The following CCBE1 variants were observed in gnomAD, a reference collection of about 807,000 sequenced individuals.
CCBE1 encodes the protein collagen and calcium-binding EGF domain-containing protein 1.
In CCBE1, 37 loss-of-function variants were observed where a neutral mutation model predicts 50.0. The observed-to-expected ratio is 0.74, with a 90% confidence interval of 0.57 to 0.97. The LOEUF (loss-of-function observed/expected upper bound fraction) is 0.97, where lower values mean the gene tolerates loss of function less well. CCBE1 is among the 50% of genes least tolerant of loss of function. CCBE1 has a pLI of 0.00. For synonymous variants in CCBE1, 234 were observed against 203.7 expected, an observed-to-expected ratio of 1.15 and a Z score of -1.27; for missense variants, 538 against 523.8, an observed-to-expected ratio of 1.03 and a Z score of -0.26.
chr18:59,680,555 G>A (rs1485074207), intron 2 of CCBE1, among the ~76,000 whole-genome samples: 2 of 151,734 alleles, frequency 1.3e-5, no homozygotes, highest in Non-Finnish European at 2.9e-5. Context: ...AAAATTAGCC[G>A]GGCGTGGTGG....
At chr18:59,628,780 C>G (rs1348410998) in intron 2 of CCBE1, among the ~76,000 whole-genome samples, 1 of 152,206 alleles carries the variant, frequency 6.6e-6, no homozygotes, top group Non-Finnish European at 1.5e-5. Context: ...CCATGCTGAA[C>G]TACTGAGCTC....
At chr18:59,442,618 C>T (rs1182370638) in intron 7 of CCBE1, among the ~76,000 whole-genome samples, 1 of 152,002 alleles carries the variant, frequency 6.6e-6, no homozygotes, top group East Asian at 1.9e-4. Context: ...ATCCTAGCTG[C>T]TTGGGAGACT....
intron 3 of CCBE1, among the ~76,000 whole-genome samples, chr18:59,478,142 C>A (rs952128576): frequency 2.0e-5 from 3 of 152,182 alleles, no homozygotes; most frequent in African/African-American, 7.2e-5. Context: ...ATTCCAACTG[C>A]AACTCCTCCC....
chr18:59,670,052 C>G (rs1484542373), intron 2 of CCBE1, among the ~76,000 whole-genome samples: 1 of 151,848 alleles, frequency 6.6e-6, no homozygotes, highest in Non-Finnish European at 1.5e-5. Context: ...TCATGGACCT[C>G]TGCTTCTTGC....
At chr18:59,585,870 A>G (rs1480988203) in intron 2 of CCBE1, among the ~76,000 whole-genome samples, 1 of 152,232 alleles carries the variant, frequency 6.6e-6, no homozygotes, top group African/African-American at 2.4e-5. Flanking sequence ...TAAGTTGCCT[A>G]CATGTATTTC....
At chr18:59,579,870 C>G (rs926294674) in intron 2 of CCBE1, among the ~76,000 whole-genome samples, 1 of 152,164 alleles carries the variant, frequency 6.6e-6, no homozygotes, top group Non-Finnish European at 1.5e-5. Context: ...TGAGCCACCA[C>G]CTTTACCCCT....
intron 6 of CCBE1, among the ~76,000 whole-genome samples, chr18:59,452,232 T>A (rs1910972306): frequency 6.6e-6 from 1 of 152,136 alleles, no homozygotes; most frequent in South Asian, 2.1e-4. Flanking sequence ...GGCTAATGTT[T>A]ATTTGGGCAG....
Position 59,616,652 on chromosome 18 carries a change from C to G in CCBE1, c.212+79977G>C, listed in dbSNP as rs140026178. Among the ~76,000 whole-genome samples, 367 of 152,270 alleles carry G rather than the reference C, an allele frequency of 2.4e-3. 1 individual carries two copies. The Middle Eastern group carries it at 0.037, about 16-fold the overall frequency. On this transcript the variant is annotated intron_variant, in intron 2 of 10. Transcript: ENST00000439986. The stretch of plus-strand genomic sequence containing the variant: ...CCCCAGTTGCCTTTATGCTTCTCCC[C>G]CTACAAGTCAAAAGTTCGGTACACA...
At chr18:59,478,704 C>A (rs2143766385) in intron 3 of CCBE1, among the ~76,000 whole-genome samples, 1 of 152,282 alleles carries the variant, frequency 6.6e-6, no homozygotes, top group East Asian at 1.9e-4. Flanking sequence ...TGGGCAAGGT[C>A]TTTAGATAAG....
At chr18:59,558,675 C>T (rs1244802544) in intron 2 of CCBE1, among the ~76,000 whole-genome samples, 2 of 152,156 alleles carry the variant, frequency 1.3e-5, no homozygotes, top group African/African-American at 2.4e-5. Flanking sequence ...GCCCAGAGAA[C>T]GAGAGAGCCA....
chr18:59,450,955 C>T (rs1225238164), intron 6 of CCBE1, among the ~76,000 whole-genome samples: 4 of 152,136 alleles, frequency 2.6e-5, no homozygotes, highest in African/African-American at 9.7e-5. Flanking sequence ...GATGCTAGAC[C>T]GAGCAGGTGC....
chr18:59,697,164 C>A (rs376343676), intron 1 of CCBE1, 48 bp downstream of exon 1: 1 of 1,546,178 alleles, frequency 6.5e-7, no homozygotes, highest in Middle Eastern at 2.3e-4. Flanking sequence ...GCGAGCCGGG[C>A]GCGCATCAAG....
intron 2 of CCBE1, among the ~76,000 whole-genome samples, chr18:59,488,530 G>C (rs548331719): frequency 6.6e-6 from 1 of 152,086 alleles, no homozygotes; most frequent in African/African-American, 2.4e-5. Context: ...ACAACCAGAA[G>C]GTACTCATTC....
chr18:59,470,572 C>T (rs1911984402), intron 3 of CCBE1, among the ~76,000 whole-genome samples: 1 of 152,062 alleles, frequency 6.6e-6, no homozygotes, highest in Admixed American at 6.6e-5. Flanking sequence ...GGTCTCTTTC[C>T]AGCTCTCAGC....
intron 2 of CCBE1, among the ~76,000 whole-genome samples, chr18:59,634,820 G>T (rs1457883872): frequency 6.6e-6 from 1 of 152,128 alleles, no homozygotes; most frequent in Non-Finnish European, 1.5e-5. Flanking sequence ...AGGTCAGATA[G>T]AGTCGACACA....
At chr18:59,501,689 A>C (rs979355976) in intron 2 of CCBE1, among the ~76,000 whole-genome samples, 1 of 152,146 alleles carries the variant, frequency 6.6e-6, no homozygotes, top group African/African-American at 2.4e-5. Flanking sequence ...AAAACTAAAG[A>C]TCTTTGGTTC....
chr18:59,582,295 A>G (rs1393226993), intron 2 of CCBE1, among the ~76,000 whole-genome samples: 3 of 152,170 alleles, frequency 2.0e-5, no homozygotes, highest in Non-Finnish European at 4.4e-5. Flanking sequence ...CAAAAGAGAA[A>G]ACTGCATGGT....
chr18:59,566,925 T>G (rs2052839438), intron 2 of CCBE1, among the ~76,000 whole-genome samples: 1 of 152,132 alleles, frequency 6.6e-6, no homozygotes. Flanking sequence ...AATGAACAAT[T>G]AAGATAAACT....
chr18:59,580,980 G>A (rs1331973227), intron 2 of CCBE1, among the ~76,000 whole-genome samples: 3 of 152,138 alleles, frequency 2.0e-5, no homozygotes, highest in Non-Finnish European at 4.4e-5. Flanking sequence ...CTGTGCTGCC[G>A]CTTTTGATTA....
Sources: gnomAD v4.1 joint callset for allele counts (sites outside exome capture counted in the v4.1 genomes callset) on GRCh38, gnomAD v4.1.1 for gene constraint, MANE v1.5 for transcripts, NCBI Gene and HGNC (gene_info 2026-07-23, HGNC 2026-07-21) for gene names.